PSTPIP1: variants seen among roughly 807,000 people sequenced by gnomAD.
The protein encoded by PSTPIP1 is proline-serine-threonine phosphatase-interacting protein 1.
PSTPIP1 carries 66 observed loss-of-function variants against 69.6 expected under a neutral mutation model. That is an observed-to-expected ratio of 0.95 (90% CI 0.78 to 1.16). The LOEUF (loss-of-function observed/expected upper bound fraction) is 1.16, where lower values mean the gene tolerates loss of function less well. Among genes scored for constraint, PSTPIP1 ranks in the 50% most tolerant of loss-of-function variants. The probability of loss-of-function intolerance (pLI) is 0.00; values close to 1 mark genes in which losing one functional copy is unlikely to be tolerated. For synonymous variants in PSTPIP1, 266 were observed against 222.7 expected (o/e 1.19, Z -1.73); for missense variants, 603 against 557.4 (o/e 1.08, Z -0.82).
At chr15:77,030,469 C>T (rs2076387140) in intron 8 of PSTPIP1, 33 bp from the exon 9 acceptor site, 2 of 1,604,016 alleles carry the variant, frequency 1.2e-6, no homozygotes, top group Non-Finnish European at 8.5e-7. Context: ...GAGCTCGTGT[C>T]AGGGCCCTCC....
intron 9 of PSTPIP1, 88 bp downstream of exon 9, chr15:77,030,669 G>C: frequency 7.9e-7 from 1 of 1,261,620 alleles, no homozygotes; most frequent in Non-Finnish European, 1.1e-6. Context: ...GGGCCCAAGT[G>C]AGGCAGTTGG....
intron 1 of PSTPIP1, 141 bp from the exon 2 acceptor site, chr15:77,018,007 G>C: frequency 1.3e-6 from 1 of 756,444 alleles, no homozygotes; most frequent in Non-Finnish European, 2.1e-6. Flanking sequence ...GCCAGGTCTG[G>C]AGTCCCAAGA....
intron 1 of PSTPIP1, among the ~76,000 whole-genome samples, chr15:77,001,442 T>A (rs972863112): frequency 6.6e-6 from 1 of 152,224 alleles, no homozygotes; most frequent in Non-Finnish European, 1.5e-5. Flanking sequence ...AACCAGAGCC[T>A]GCACTGACTT....
intron 6 of PSTPIP1, 143 bp from the exon 7 acceptor site, chr15:77,028,411 A>G: frequency 1.6e-6 from 1 of 626,538 alleles, no homozygotes; most frequent in South Asian, 2.2e-5. Flanking sequence ...GGACCCCCAG[A>G]TCCCTGTCCC....
At chr15:77,003,251 G>A (rs2075748004) in intron 1 of PSTPIP1, among the ~76,000 whole-genome samples, 1 of 152,128 alleles carries the variant, frequency 6.6e-6, no homozygotes, top group African/African-American at 2.4e-5. Flanking sequence ...GGGAACTTTG[G>A]GTGGAAACCA....
intron 1 of PSTPIP1, among the ~76,000 whole-genome samples, chr15:77,000,945 C>T (rs142263583): frequency 0.02 from 3,117 of 152,080 alleles, 63 homozygotes; most frequent in Non-Finnish European, 0.026. Flanking sequence ...GGTTCAGTAG[C>T]GCTAGGTTTG....
chr15:77,025,285 T>C lies in PSTPIP1; in HGVS notation c.214T>C (p.Ser72Pro), dbSNP rs866295227. The part of the protein sequence containing the change: ...RKAGGQTEIN[S>P]LRASFDSLKQ... ...GACCTGGACCCATCTGTTTTGCAGC[T>C]CCCTGAGGGCCTCCTTTGACTCCTT... Residue 72 changes from serine to proline, a missense_variant and splice_region_variant, in exon 4 of 15, where the codon TCC (serine) becomes CCC (proline). Ser to Pro is a moderately conservative substitution (Grantham distance 74, BLOSUM62 -1). Coordinates refer to ENST00000558012, the MANE Select transcript of PSTPIP1 (RefSeq NM_003978.5). 12 of 1,610,228 alleles carry C rather than the reference T, an allele frequency of 7.5e-6. No individual in the cohort carries two copies. In the African/African-American group the frequency reaches 8.0e-5, roughly 11 times the overall value.
At chr15:77,031,590 T>A (rs1011829814) in intron 10 of PSTPIP1, 1 of 293,792 alleles carries the variant, frequency 3.4e-6, no homozygotes, top group Admixed American at 4.5e-5. Context: ...GACACAGCTG[T>A]CAGAGGTTGG....
chr15:77,023,225 T>C (rs1302974569), intron 3 of PSTPIP1, among the ~76,000 whole-genome samples: 2 of 152,230 alleles, frequency 1.3e-5, no homozygotes, highest in Admixed American at 6.5e-5. Context: ...GCCCCTGTCC[T>C]CAAGGGCTCA....
chr15:77,027,084 C>T lies in PSTPIP1; in HGVS notation c.355-768C>T, dbSNP rs2076297270. Among the ~76,000 whole-genome samples, 1 of 152,214 alleles carries T rather than the reference C, an allele frequency of 6.6e-6. No individual in the cohort carries two copies. Among genetic ancestry groups the T allele is most frequent in the African/African-American group, 2.4e-5 (1 of 41,454 alleles). Reference sequence around the variant, plus strand: ...CCTGCATATGCCTGTGAGCATGTGTCCTTGTCCAGCCCTGTGCACTTGGGT... The same window carrying T: ...CCTGCATATGCCTGTGAGCATGTGTTCTTGTCCAGCCCTGTGCACTTGGGT... On this transcript the variant is annotated intron_variant, in intron 5 of 14. Coordinates refer to ENST00000558012, the MANE Select transcript of PSTPIP1 (RefSeq NM_003978.5). The surrounding 1 kb of genome is among the most constrained non-coding windows in gnomAD (Gnocchi z 4.3).
Position 77,032,356 on chromosome 15 carries a change from G to C in PSTPIP1, c.800G>C (p.Ser267Thr). 6.2e-7 allele frequency: 1 copy of C among 1,612,668 alleles called. No individual in the cohort carries two copies. The highest frequency in any genetic ancestry group is 8.5e-7 in the Non-Finnish European group (1 of 1,179,780). ...EGCSIDADID[S>T]FIQAKSTGTE... is the part of the protein sequence containing the mutation. ...TGCAGCATAGACGCCGACATCGACA[G>C]TTTCATCCAGGCCAAGAGCACGGGC... Residue 267 changes from serine to threonine, a missense_variant, in exon 11 of 15, where the codon AGT (serine) becomes ACT (threonine). Coordinates refer to ENST00000558012, the MANE Select transcript of PSTPIP1 (RefSeq NM_003978.5).
chr15:77,012,915 C>G (rs1275504704), intron 1 of PSTPIP1, among the ~76,000 whole-genome samples: 1 of 152,222 alleles, frequency 6.6e-6, no homozygotes, highest in Non-Finnish European at 1.5e-5. Flanking sequence ...CAGCCCATCA[C>G]TCAGCATGTC....
rs114447118 is a variant in PSTPIP1, at chr15:76,998,930, A to G, written c.36+3321A>G. Among the ~76,000 whole-genome samples the G allele has an allele frequency of 2.6e-3, 400 of 152,312 alleles. 2 individuals are homozygous for G. Among genetic ancestry groups the G allele is most frequent in the African/African-American group, 9.2e-3 (383 of 41,556 alleles). On this transcript the variant is annotated intron_variant, in intron 1 of 14. Transcript: ENST00000558012. Reference sequence around the variant, plus strand: ...TCTGTGATACACACAGATGATAAAGAGCATCACACCTTGGCAGGAAGTTTG... The same window carrying G: ...TCTGTGATACACACAGATGATAAAGGGCATCACACCTTGGCAGGAAGTTTG...
intron 3 of PSTPIP1, among the ~76,000 whole-genome samples, chr15:77,023,132 A>C (rs1436844040): frequency 6.6e-6 from 1 of 152,234 alleles, no homozygotes; most frequent in Non-Finnish European, 1.5e-5. Context: ...GAGACCATGA[A>C]CCGGGGTGGC....
intron 9 of PSTPIP1, 50 bp downstream of exon 9, chr15:77,030,631 C>A: frequency 6.5e-7 from 1 of 1,528,976 alleles, no homozygotes; most frequent in Non-Finnish European, 8.9e-7. Context: ...AAGTGTGAGA[C>A]GCCCATCCCT....
At position 77,018,523 on chromosome 15, in the gene PSTPIP1, G is replaced by A. The variant is rs113386299; in HGVS notation, c.204G>A (p.Thr68=). The stretch of plus-strand genomic sequence containing the variant: ...TCGCACGGAAGGCAGGTGGCCAGAC[G>A]GAGATCAAGTAAGATCTCCCGGGCC... ...VQIARKAGGQ[T]EINSLRASFD... Residue 68 remains threonine (T), a synonymous_variant, in exon 3 of 15, where the codon ACG becomes ACA. Transcript: ENST00000558012. The A allele has an allele frequency of 1.6e-3, 2,516 of 1,569,356 alleles. 32 individuals carry two copies. In the African/African-American group the frequency reaches 0.029, roughly 18 times the overall value.
intron 3 of PSTPIP1, among the ~76,000 whole-genome samples, chr15:77,020,854 A>G (rs778519998): frequency 3.4e-4 from 43 of 125,204 alleles, no homozygotes; most frequent in South Asian, 1.2e-3. Context: ...CTGTTTCCTC[A>G]TCTTAGACTC....
rs894426102 is a variant in PSTPIP1, at chr15:77,027,587, G to C, written c.355-265G>C. The C allele has an allele frequency of 1.6e-5, 8 of 495,208 alleles. No individual in the cohort carries two copies. The highest frequency in any genetic ancestry group is 1.5e-4 in the African/African-American group (8 of 51,634). The allele number at this position is 495,208 out of a possible 1,614,324, so 30.7% of individuals were successfully genotyped here. ...ACTGTGTGCGCACGTGTGTTGGGGT[G>C]GGAACTCCCCAGCTGGAGACGAAGC... On this transcript the variant is annotated intron_variant, in intron 5 of 14. Transcript: ENST00000558012. The surrounding 1 kb of genome is among the most constrained non-coding windows in gnomAD (Gnocchi z 4.3).
At chr15:77,000,433 C>A (rs1203325003) in intron 1 of PSTPIP1, among the ~76,000 whole-genome samples, 1 of 148,382 alleles carries the variant, frequency 6.7e-6, no homozygotes, top group African/African-American at 2.6e-5. Context: ...TGCTGGGCAC[C>A]TGTTCCATCC....
Sources: gnomAD v4.1 joint callset for allele counts (sites outside exome capture counted in the v4.1 genomes callset) on GRCh38, gnomAD v4.1.1 for gene constraint, Gnocchi (gnomAD v3.1) non-coding constraint, MANE v1.5 for transcripts, NCBI Gene and HGNC (gene_info 2026-07-23, HGNC 2026-07-21) for gene names.